CEP95: variants seen among roughly 807,000 people sequenced by gnomAD.
The protein encoded by CEP95 is centrosomal protein of 95 kDa.
In CEP95, 98 loss-of-function variants were observed where a neutral mutation model predicts 111.2. That is an observed-to-expected ratio of 0.88 (90% CI 0.75 to 1.04). CEP95 has a LOEUF of 1.04. CEP95 is among the 50% of genes least tolerant of loss of function. CEP95 has a pLI of 0.00. For synonymous variants in CEP95, 323 were observed against 327.1 expected (o/e 0.99, Z 0.14); for missense variants, 1,027 against 977.2 (o/e 1.05, Z -0.68).
intron 17 of CEP95, chr17:64,535,742 A>G (rs1468161414): frequency 2.0e-5 from 3 of 152,176 alleles, no homozygotes; most frequent in African/African-American, 7.2e-5. Flanking sequence ...ACTCCTAGCT[A>G]TATAATCACA....
chr17:64,506,830 T>C (rs2038556663), upstream of CEP95: 1 of 592,798 alleles, frequency 1.7e-6, no homozygotes, highest in African/African-American at 1.9e-5. Context: ...GCGTGTCTGA[T>C]AATCCTTTGA....
intron 1 of CEP95, 118 bp downstream of exon 1, chr17:64,507,234 C>T (rs1555673234): frequency 1.3e-6 from 2 of 1,522,760 alleles, no homozygotes; most frequent in Non-Finnish European, 8.8e-7. Context: ...CTTCAGACGC[C>T]GCGTCGCGCT....
At chr17:64,508,972 A>T (rs2038745845) in intron 2 of CEP95, among the ~76,000 whole-genome samples, 1 of 152,164 alleles carries the variant, frequency 6.6e-6, no homozygotes, top group Non-Finnish European at 1.5e-5. Flanking sequence ...GAACCCACTC[A>T]TAATAACGGC....
intron 5 of CEP95, among the ~76,000 whole-genome samples, chr17:64,517,294 G>T (rs1163936294): frequency 6.6e-6 from 1 of 152,080 alleles, no homozygotes; most frequent in Non-Finnish European, 1.5e-5. Flanking sequence ...TGATCCACCT[G>T]CCTTGTCCTC....
At chr17:64,522,492 TA>T (rs544103500) in intron 7 of CEP95, among the ~76,000 whole-genome samples, 48 of 146,630 alleles carry the variant, frequency 3.3e-4, no homozygotes, top group Middle Eastern at 3.5e-3. Context: ...TTTTAAAAAT[TA>T]AAAAAAAAAA....
chr17:64,528,167 C>T (rs996848539), intron 11 of CEP95, among the ~76,000 whole-genome samples: 7 of 152,116 alleles, frequency 4.6e-5, no homozygotes, highest in Non-Finnish European at 8.8e-5. Flanking sequence ...TTTGATATGC[C>T]ATTGTTCAAA....
chr17:64,531,890 G>A lies in CEP95; in HGVS notation c.1540G>A (p.Glu514Lys), dbSNP rs1968307520. 3.9e-6 allele frequency: 6 copies of A among 1,558,230 alleles called. No individual in the cohort carries two copies. The highest frequency in any genetic ancestry group is 8.6e-7 in the Non-Finnish European group (1 of 1,158,376). Residue 514 changes from glutamate to lysine, a missense_variant and splice_region_variant, in exon 14 of 20, where the codon GAA becomes AAA. By Grantham distance (56) the Glu-to-Lys change is moderately conservative. Transcript: ENST00000556440. ...LRIHEKEEET[E>K]KIYRGEAVRK... ...ATTCTGTTTTATATCTGCTTCTAAG[G>A]AAAAAATATACAGAGGAGAAGCTGT...
intron 2 of CEP95, among the ~76,000 whole-genome samples, chr17:64,509,873 C>T (rs1261025642): frequency 6.6e-6 from 1 of 151,378 alleles, no homozygotes; most frequent in Non-Finnish European, 1.5e-5. Flanking sequence ...CATGGTGCTT[C>T]TTGTAAAGCA....
intron 14 of CEP95, 169 bp downstream of exon 14, chr17:64,532,191 C>A (rs1010694636): frequency 1.5e-6 from 2 of 1,297,958 alleles, no homozygotes; most frequent in Non-Finnish European, 9.8e-7. Context: ...GGCTAAAACT[C>A]TTCAATAAGG....
Position 64,507,102 on chromosome 17 carries a change from C to T in CEP95, c.5C>T (p.Ala2Val), listed in dbSNP as rs1555673173. The T allele has an allele frequency of 1.3e-6, 2 of 1,551,430 alleles. No individual in the cohort carries two copies. The highest frequency in any genetic ancestry group is 8.7e-7 in the Non-Finnish European group (1 of 1,146,954). Residue 2 changes from alanine (A) to valine (V), a missense_variant, in exon 1 of 20, where the codon GCA becomes GTA. By Grantham distance (64) the Ala-to-Val change is moderately conservative (BLOSUM62 0). Coordinates refer to ENST00000556440, the MANE Select transcript of CEP95 (RefSeq NM_138363.3). MAGSDAEWVTIA... is the reference protein window; with the variant it reads MVGSDAEWVTIA... The stretch of plus-strand genomic sequence containing the variant: ...GCGGCGACCTGCCTCTGAAACATGG[C>T]AGGCTCGGATGCTGGTGAGTGTCTC...
In CEP95 at chr17:64,522,694, C is replaced by T. The variant is rs77909893; in HGVS notation, c.716-8C>T. The T allele has an allele frequency of 6.6e-3, 10,543 of 1,606,602 alleles. 630 individuals are homozygous for T. The African/African-American group carries it at 0.13, about 19-fold the overall frequency. On this transcript the variant is annotated splice_region_variant and splice_polypyrimidine_tract_variant and intron_variant, in intron 7 of 19. Coordinates refer to ENST00000556440, the MANE Select transcript of CEP95 (RefSeq NM_138363.3). ...CATCGTAATATCCACTTTAATTTGT[C>T]TTACTAGCGGAAACCCTTTCTGTGA...
chr17:64,518,671 A>G (rs1967064714), intron 5 of CEP95, among the ~76,000 whole-genome samples: 1 of 152,110 alleles, frequency 6.6e-6, no homozygotes, highest in South Asian at 2.1e-4. Context: ...AGAGGAGACC[A>G]TCATAAGATG....
At chr17:64,534,811 C>T (rs774001864) in intron 17 of CEP95, 74 bp downstream of exon 17, 113 of 1,526,142 alleles carry the variant, frequency 7.4e-5, no homozygotes, top group Non-Finnish European at 9.1e-5. Flanking sequence ...CTTCTTTGTT[C>T]GTGACTCTTG....
At chr17:64,535,655 C>T (rs1968599927) in intron 17 of CEP95, 1 of 152,176 alleles carries the variant, frequency 6.6e-6, no homozygotes, top group African/African-American at 2.4e-5. Context: ...GGTGCAGCTG[C>T]TTTGGAAAAC....
At position 64,537,169 on chromosome 17, in the gene CEP95, A is replaced by G. The variant is rs1968716820; in HGVS notation, c.2289+57A>G. On this transcript the variant is annotated intron_variant, in intron 19 of 19. Transcript: ENST00000556440. ...CTGCATGGCAATGTTTCTTTCAGCAAGGGACCTCGTACATTGGTGGTTGGA... is the reference window on the plus strand; with the variant it reads ...CTGCATGGCAATGTTTCTTTCAGCAGGGGACCTCGTACATTGGTGGTTGGA... 6.9e-6 allele frequency: 11 copies of G among 1,584,188 alleles called. No individual in the cohort carries two copies. In the South Asian group the frequency reaches 1.3e-4, roughly 18 times the overall value.
At chr17:64,534,912 C>A in intron 17 of CEP95, 175 bp downstream of exon 17, 1 of 648,208 alleles carries the variant, frequency 1.5e-6, no homozygotes, top group Non-Finnish European at 2.7e-6. Flanking sequence ...CTCCATTGTG[C>A]ATTCCCGTCC....
Position 64,533,130 on chromosome 17 carries a change from T to TA in CEP95, c.1858dup (p.Arg620LysfsTer4). 1.2e-6 allele frequency: 2 copies of TA among 1,604,474 alleles called. No homozygotes were observed. Among genetic ancestry groups the TA allele is most frequent in the South Asian group, 2.2e-5 (2 of 89,186 alleles). On this transcript the variant is annotated frameshift_variant, in exon 16 of 20. Transcript: ENST00000556440. LOFTEE classifies it high-confidence loss of function. ...TCCCCCTTCAAGATAGAAGAAGCCC[T>TA]AAGAAGGCATGACCTCCTTACTACC...
In CEP95 at chr17:64,508,592, AGT is replaced by A. The variant is rs782009708; in HGVS notation, c.22_23del (p.Trp8GlyfsTer6). ...GATCTTTCCCCCTTTTTCCCAACAG[AGT>A]GGGTAACCATTGCCAATAACCTTCT... On this transcript the variant is annotated frameshift_variant and splice_region_variant, in exon 2 of 20. Coordinates refer to ENST00000556440, the MANE Select transcript of CEP95 (RefSeq NM_138363.3). LOFTEE classifies it high-confidence loss of function. 24 of 1,388,332 alleles carry A rather than the reference AGT, an allele frequency of 1.7e-5. No homozygotes were observed. Among genetic ancestry groups the A allele is most frequent in the Non-Finnish European group, 1.1e-5 (12 of 1,059,014 alleles). The allele number at this position is 1,388,332 out of a possible 1,614,324, so 86.0% of individuals were successfully genotyped here.
rs1373801756 is a variant in CEP95, at chr17:64,537,642, G to A, written c.2329G>A (p.Glu777Lys). The change falls in exon 20 of 20, where the codon GAG becomes AAG. Residue 777 changes from glutamate (E) to lysine (K), a missense_variant. Glu to Lys is a moderately conservative substitution (Grantham distance 56). Coordinates refer to ENST00000556440, the MANE Select transcript of CEP95 (RefSeq NM_138363.3). ...KVKRELRSKM[E>K]KEIQQLQDMI... The stretch of plus-strand genomic sequence containing the variant: ...GAAGAGGGAGCTGAGATCTAAGATG[G>A]AGAAGGAAATTCAGCAGCTGCAGGA... 1.2e-6 allele frequency: 2 copies of A among 1,612,082 alleles called. No individual in the cohort carries two copies. Among genetic ancestry groups the A allele is most frequent in the Non-Finnish European group, 1.7e-6 (2 of 1,178,842 alleles).
Sources: allele counts gnomAD v4.1 joint callset (sites outside exome capture counted in the v4.1 genomes callset), GRCh38; gene constraint gnomAD v4.1.1; transcripts MANE v1.5; gene names NCBI Gene and HGNC (gene_info 2026-07-23, HGNC 2026-07-21).